The following RNF125 variants were observed in gnomAD, a reference collection of about 807,000 sequenced individuals.
RNF125 encodes the protein ring finger protein 125, also known as E3 ubiquitin-protein ligase RNF125.
RNF125 carries 21 observed loss-of-function variants against 26.0 expected under a neutral mutation model. The observed-to-expected ratio is 0.81, with a 90% confidence interval of 0.57 to 1.16. RNF125 has a LOEUF of 1.16. Among genes scored for constraint, RNF125 ranks in the 50% most tolerant of loss-of-function variants. The pLI is 0.00. For missense variants in RNF125, 270 were observed against 299.4 expected (o/e 0.90, Z 0.72); for synonymous variants, 95 against 109.2 (o/e 0.87, Z 0.81).
At chr18:32,076,270 C>A (rs1403213861), downstream of RNF125, 1 of 372,852 alleles carries the variant, frequency 2.7e-6, no homozygotes, top group South Asian at 2.5e-5. Flanking sequence ...TTATGCGCAC[C>A]ATTGTGGTGA....
At chr18:32,037,412 C>T (rs556790730) in intron 2 of RNF125, 143 bp downstream of exon 2, 210 of 512,756 alleles carry the variant, frequency 4.1e-4, no homozygotes, top group Non-Finnish European at 5.9e-4. Flanking sequence ...CGCTCTTTCA[C>T]CCAGGTTGGA....
the RNF125 span, among the ~76,000 whole-genome samples, chr18:32,088,409 G>A: frequency 1.4e-4 from 21 of 152,184 alleles, no homozygotes; most frequent in Admixed American, 1.4e-3. Context: ...ATAAAGCCAG[G>A]CCTTGTCAAG....
the RNF125 span, among the ~76,000 whole-genome samples, chr18:32,087,203 G>A: frequency 2.0e-5 from 3 of 151,788 alleles, no homozygotes; most frequent in African/African-American, 7.3e-5. Flanking sequence ...AGTTCTGTGT[G>A]CTGCTTCAGC....
chr18:32,030,792 G>A (rs1263992512), intron 1 of RNF125, among the ~76,000 whole-genome samples: 1 of 152,154 alleles, frequency 6.6e-6, no homozygotes, highest in Non-Finnish European at 1.5e-5. Context: ...ACCTGGCTAG[G>A]GTCATCCCCT....
At chr18:32,063,776 A>G (rs1023923689) in intron 4 of RNF125, among the ~76,000 whole-genome samples, 5 of 152,184 alleles carry the variant, frequency 3.3e-5, no homozygotes, top group African/African-American at 7.2e-5. Context: ...AGCAACTTAG[A>G]TGGATCTCAA....
chr18:32,056,423 C>A (rs560057233), intron 4 of RNF125, among the ~76,000 whole-genome samples: 3 of 151,814 alleles, frequency 2.0e-5, no homozygotes, highest in Non-Finnish European at 4.4e-5. Context: ...ACCAGCCTGA[C>A]CAATATAGAG....
chr18:32,018,845 CT>C lies in RNF125; in HGVS notation c.-18del. The C allele has an allele frequency of 6.5e-7, 1 of 1,547,308 alleles. No homozygotes were observed. Among genetic ancestry groups the C allele is most frequent in the African/African-American group, 1.4e-5 (1 of 72,658 alleles). On this transcript the variant is annotated 5_prime_UTR_variant, in exon 1 of 6. Coordinates refer to ENST00000217740, the MANE Select transcript of RNF125 (RefSeq NM_017831.4). ...CAGGCACTGAGTGCTTCGCAGCTGT[CT>C]GGGCGAGAGGCACAGCGATGGGCTC... is the stretch of plus-strand genomic sequence containing the variant.
At position 32,048,585 on chromosome 18, in the gene RNF125, G is replaced by A. The variant is rs952272156; in HGVS notation, c.504+2853G>A. 1.2e-4 allele frequency among the ~76,000 whole-genome samples: 19 copies of A among 152,146 alleles called. 2 individuals carry two copies. Among genetic ancestry groups the A allele is most frequent in the Non-Finnish European group, 1.5e-5 (1 of 68,030 alleles). Reference sequence around the variant, plus strand: ...GTCAATCATACAAGGTCACACAGCTGGTAAGTAACAAAGACAGAATTTGAA... The same window carrying A: ...GTCAATCATACAAGGTCACACAGCTAGTAAGTAACAAAGACAGAATTTGAA... On this transcript the variant is annotated intron_variant, in intron 4 of 5. Coordinates refer to ENST00000217740, the MANE Select transcript of RNF125 (RefSeq NM_017831.4).
intron 1 of RNF125, among the ~76,000 whole-genome samples, chr18:32,023,212 G>A (rs911355120): frequency 2.2e-4 from 34 of 152,244 alleles, no homozygotes; most frequent in African/African-American, 7.9e-4. Context: ...GAGGGCAGTG[G>A]CGTGATCTCA....
chr18:32,063,658 A>T (rs1338272418), intron 4 of RNF125, among the ~76,000 whole-genome samples: 1 of 152,188 alleles, frequency 6.6e-6, no homozygotes, highest in Non-Finnish European at 1.5e-5. Flanking sequence ...ACAACCAAAA[A>T]CTGGAAACAA....
chr18:32,020,487 G>T (rs959566073), intron 1 of RNF125, among the ~76,000 whole-genome samples: 1 of 151,864 alleles, frequency 6.6e-6, no homozygotes, highest in Non-Finnish European at 1.5e-5. Flanking sequence ...ACAGTGGCTT[G>T]TACCAGCATT....
chr18:32,019,025 C>A lies in RNF125; in HGVS notation c.162C>A (p.His54Gln). The A allele has an allele frequency of 6.2e-7, 1 of 1,612,246 alleles. No homozygotes were observed. The highest frequency in any genetic ancestry group is 1.1e-5 in the South Asian group (1 of 90,762). ...LHQPVRTRCG[H>Q]VFCRSCIATS... ...AGCCTGTCCGGACCCGCTGTGGCCA[C>A]GTGTAAGTTCCAGGGGAGCTCGGTT... is the stretch of plus-strand genomic sequence containing the variant. The change falls in exon 1 of 6, where the codon CAC becomes CAA. Residue 54 changes from histidine (H) to glutamine (Q), a missense_variant and splice_region_variant. Physicochemically the swap from His to Gln is conservative, Grantham distance 24. Coordinates refer to ENST00000217740, the MANE Select transcript of RNF125 (RefSeq NM_017831.4).
intron 4 of RNF125, among the ~76,000 whole-genome samples, chr18:32,060,926 G>A (rs1022882053): frequency 6.6e-6 from 1 of 152,212 alleles, no homozygotes; most frequent in Non-Finnish European, 1.5e-5. Context: ...TCAGGAGGCT[G>A]AGGCAGGAGA....
intron 4 of RNF125, among the ~76,000 whole-genome samples, chr18:32,053,932 G>A (rs1426530113): frequency 6.6e-6 from 1 of 152,012 alleles, no homozygotes; most frequent in Non-Finnish European, 1.5e-5. Context: ...TTGACTCCAT[G>A]TATCCATGAA....
intron 4 of RNF125, among the ~76,000 whole-genome samples, chr18:32,059,241 G>A (rs773616679): frequency 2.0e-4 from 30 of 152,116 alleles, no homozygotes; most frequent in African/African-American, 6.5e-4. Context: ...CCCACCACCC[G>A]TGTATGAAGT....
At chr18:32,021,167 G>A (rs556535329) in intron 1 of RNF125, among the ~76,000 whole-genome samples, 8 of 152,202 alleles carry the variant, frequency 5.3e-5, no homozygotes, top group Admixed American at 1.3e-4. Context: ...TGCAAGCTCC[G>A]CCTCCCGGGT....
chr18:32,028,843 C>T (rs142129707), intron 1 of RNF125, among the ~76,000 whole-genome samples: 7 of 152,130 alleles, frequency 4.6e-5, no homozygotes, highest in African/African-American at 1.7e-4. Flanking sequence ...TTGAGCCACC[C>T]TGCCCAGCCA....
intron 1 of RNF125, among the ~76,000 whole-genome samples, chr18:32,023,133 C>T (rs1238661850): frequency 2.6e-5 from 4 of 152,072 alleles, no homozygotes; most frequent in Non-Finnish European, 5.9e-5. Flanking sequence ...AAGTGCCTGC[C>T]ACCATGCCTG....
At chr18:32,075,081 G>C (rs186478530), downstream of RNF125, among the ~76,000 whole-genome samples, 33 of 152,016 alleles carry the variant, frequency 2.2e-4, no homozygotes, top group African/African-American at 8.0e-4. Context: ...CACTTTCCTG[G>C]GCCCTCTCCA....
Sources: allele counts gnomAD v4.1 joint callset (sites outside exome capture counted in the v4.1 genomes callset), GRCh38; gene constraint gnomAD v4.1.1; transcripts MANE v1.5; gene names NCBI Gene and HGNC (gene_info 2026-07-23, HGNC 2026-07-21).